Variants in TFEC observed in about 807,000 individuals in gnomAD.
The protein encoded by TFEC is transcription factor EC.
A neutral mutation model predicts 41.6 loss-of-function variants in TFEC; 31 were observed. That is an observed-to-expected ratio of 0.74 (90% CI 0.56 to 1.01). The LOEUF (loss-of-function observed/expected upper bound fraction) is 1.01. Ranked by LOEUF, TFEC falls within the 50% of genes least tolerant of loss-of-function variation. The pLI is 0.00. For missense variants in TFEC, 402 were observed against 404.1 expected (o/e 0.99, Z 0.04); for synonymous variants, 143 against 140.6 (o/e 1.02, Z -0.12).
chr7:116,143,496 G>C (rs1267043597), intron 1 of TFEC, among the ~76,000 whole-genome samples: 2 of 152,160 alleles, frequency 1.3e-5, no homozygotes, highest in African/African-American at 4.8e-5. Context: ...CAACATGAAA[G>C]GGACAAACAT....
chr7:116,069,633 A>G (rs1402030203), intron 3 of TFEC, among the ~76,000 whole-genome samples: 1 of 151,694 alleles, frequency 6.6e-6, no homozygotes, highest in Non-Finnish European at 1.5e-5. Context: ...TCTTTTCCAA[A>G]GATGTTATAA....
chr7:115,948,186 T>C (rs1791711333), intron 6 of TFEC, among the ~76,000 whole-genome samples: 1 of 151,762 alleles, frequency 6.6e-6, no homozygotes, highest in African/African-American at 2.4e-5. Context: ...TAACAGGAGC[T>C]GAAATTGTGG....
At chr7:116,139,232 G>C (rs1425059388) in intron 1 of TFEC, among the ~76,000 whole-genome samples, 1 of 152,162 alleles carries the variant, frequency 6.6e-6, no homozygotes, top group Admixed American at 6.6e-5. Flanking sequence ...CTGCCCCAGA[G>C]CAAGAGAGAA....
At chr7:116,056,937 T>A (rs1350779077) in intron 3 of TFEC, among the ~76,000 whole-genome samples, 2 of 152,094 alleles carry the variant, frequency 1.3e-5, no homozygotes, top group Admixed American at 1.3e-4. Flanking sequence ...GTATTCCATA[T>A]GTTTAGAAAA....
At chr7:116,150,567 CCA>C (rs1198537974) in intron 1 of TFEC, among the ~76,000 whole-genome samples, 1 of 151,836 alleles carries the variant, frequency 6.6e-6, no homozygotes, top group Non-Finnish European at 1.5e-5. Flanking sequence ...AACCAAACCA[CCA>C]CAGTCACACG....
At chr7:116,096,659 G>A (rs973995068) in intron 3 of TFEC, among the ~76,000 whole-genome samples, 19 of 151,814 alleles carry the variant, frequency 1.3e-4, no homozygotes, top group African/African-American at 4.6e-4. Flanking sequence ...TTTTAAACTG[G>A]GTTGTTTTCT....
At chr7:116,071,003 T>C (rs1377542043) in intron 3 of TFEC, among the ~76,000 whole-genome samples, 1 of 151,284 alleles carries the variant, frequency 6.6e-6, no homozygotes, top group Non-Finnish European at 1.5e-5. Context: ...CTTATAACCA[T>C]CTGTGCTCTC....
chr7:116,022,551 GTTAT>G (rs1795437126), intron 1 of TFEC, among the ~76,000 whole-genome samples: 1 of 151,992 alleles, frequency 6.6e-6, no homozygotes, highest in Admixed American at 6.6e-5. Flanking sequence ...AATTCTCAGA[GTTAT>G]TTTGATTACT....
chr7:115,965,461 T>C (rs1324053771), intron 3 of TFEC, among the ~76,000 whole-genome samples: 1 of 151,736 alleles, frequency 6.6e-6, no homozygotes, highest in African/African-American at 2.4e-5. Context: ...ATTTGCTTAC[T>C]GTTAGGATAA....
intron 2 of TFEC, chr7:116,110,973 A>G (rs1255733362): frequency 9.1e-7 from 1 of 1,102,932 alleles, no homozygotes; most frequent in East Asian, 2.8e-5. Context: ...ACACATACAA[A>G]ATAATATTTT....
At chr7:116,081,781 A>C (rs768760389) in intron 3 of TFEC, among the ~76,000 whole-genome samples, 13 of 152,214 alleles carry the variant, frequency 8.5e-5, no homozygotes, top group African/African-American at 1.2e-4. Flanking sequence ...CTTTATACTC[A>C]AAGTAATCTT....
intron 1 of TFEC, among the ~76,000 whole-genome samples, chr7:115,998,860 A>C (rs1319328650): frequency 7.0e-6 from 1 of 143,430 alleles, no homozygotes; most frequent in African/African-American, 2.5e-5. Flanking sequence ...AAAGAGAGAG[A>C]GAGCAACCCC....
intron 3 of TFEC, among the ~76,000 whole-genome samples, chr7:116,087,603 C>G (rs978718431): frequency 1.3e-5 from 2 of 152,072 alleles, no homozygotes; most frequent in African/African-American, 4.8e-5. Flanking sequence ...CTGTACTCAG[C>G]TAATTAAAGT....
rs554790965 is a variant in TFEC, at chr7:116,100,540, T to C, written c.198+10168A>G. 4.6e-5 allele frequency among the ~76,000 whole-genome samples: 7 copies of C among 152,156 alleles called. No homozygotes were observed. In the East Asian group the frequency reaches 9.7e-4, roughly 21 times the overall value. On this transcript the variant is annotated intron_variant, in intron 3 of 8. Transcript: ENST00000484212. Reference sequence around the variant, plus strand: ...GGAAGAAATTTTCCCCATAGTGTAGTATTGCCAATTACCATAGGTGTAGAG... The same window carrying C: ...GGAAGAAATTTTCCCCATAGTGTAGCATTGCCAATTACCATAGGTGTAGAG...
rs1305909865 is a variant in TFEC, at chr7:115,937,246, G to T, written c.*3305C>A. 6.6e-6 allele frequency: 1 copy of T among 151,614 alleles called. No homozygotes were observed. Among genetic ancestry groups the T allele is most frequent in the Non-Finnish European group, 1.5e-5 (1 of 67,692 alleles). 9.4% of individuals were successfully genotyped at this position (151,614 alleles called of 1,614,324 possible). ...GTAATTATGAATTAAATCTTTAAAT[G>T]AAAAGGGATAATTGTATATTAATTG... is the stretch of plus-strand genomic sequence containing the variant. On this transcript the variant is annotated 3_prime_UTR_variant, in exon 8 of 8. Transcript: ENST00000265440.
intron 3 of TFEC, among the ~76,000 whole-genome samples, chr7:116,062,666 G>A (rs1442206299): frequency 6.7e-6 from 1 of 148,302 alleles, no homozygotes; most frequent in East Asian, 2.0e-4. Context: ...ATTGCAAATT[G>A]TGCTGCTATA....
At position 116,014,092 on chromosome 7, in the gene TFEC, G is replaced by C. The variant is rs193040275; in HGVS notation, c.-73+16541C>G. Among the ~76,000 whole-genome samples the C allele has an allele frequency of 2.1e-3, 322 of 152,134 alleles. 2 individuals are homozygous for C. Among genetic ancestry groups the C allele is most frequent in the African/African-American group, 7.2e-3 (297 of 41,532 alleles). The stretch of plus-strand genomic sequence containing the variant: ...TCCAGGAGAAATTTTAGTTTCTTGA[G>C]ATCATCTTTACTGTTATCTTAATGT... On this transcript the variant is annotated intron_variant, in intron 1 of 7. Transcript: ENST00000265440.
chr7:116,122,857 T>C (rs1798135357), intron 1 of TFEC, among the ~76,000 whole-genome samples: 2 of 152,044 alleles, frequency 1.3e-5, no homozygotes, highest in Admixed American at 1.3e-4. Flanking sequence ...GTGTGGAAAT[T>C]CTAGTGGATG....
intron 3 of TFEC, among the ~76,000 whole-genome samples, chr7:116,051,115 G>T (rs1030285661): frequency 6.6e-6 from 1 of 152,164 alleles, no homozygotes; most frequent in Non-Finnish European, 1.5e-5. Context: ...CTTGGATGCA[G>T]GGTGGGGAAC....
Sources: gnomAD v4.1 joint callset for allele counts (sites outside exome capture counted in the v4.1 genomes callset) on GRCh38, gnomAD v4.1.1 for gene constraint, MANE v1.5 for transcripts, NCBI Gene and HGNC (gene_info 2026-07-23, HGNC 2026-07-21) for gene names.